The following ADAMTSL1 variants were observed in gnomAD, a reference collection of about 807,000 sequenced individuals.
ADAMTSL1 encodes ADAMTS-like protein 1.
Under a neutral mutation model 201.8 loss-of-function variants are expected in ADAMTSL1, and 126 were observed. The ratio of observed to expected loss-of-function variants is 0.62; its 90% CI spans 0.54 to 0.72. The LOEUF is 0.72. Among genes scored for constraint, ADAMTSL1 ranks in the 30% least tolerant of loss-of-function variants. ADAMTSL1 has a pLI of 0.00. For missense variants in ADAMTSL1, 2,679 were observed against 2,277.8 expected (o/e 1.18, Z -3.59); for synonymous variants, 1,121 against 903.4 (o/e 1.24, Z -4.32).
At chr9:18,553,053 T>C (rs1447657405) in intron 3 of ADAMTSL1, among the ~76,000 whole-genome samples, 1 of 151,640 alleles carries the variant, frequency 6.6e-6, no homozygotes, top group Non-Finnish European at 1.5e-5. Context: ...TTTTTAATTT[T>C]TACTTTTATA....
At chr9:18,904,802 C>A (rs1588359034) in intron 26 of ADAMTSL1, among the ~76,000 whole-genome samples, 1 of 143,724 alleles carries the variant, frequency 7.0e-6, no homozygotes, top group Admixed American at 7.0e-5. Flanking sequence ...TCAAACTGGG[C>A]CCTTCAGAGT....
upstream of ADAMTSL1, among the ~76,000 whole-genome samples, chr9:18,473,261 T>C (rs1052107793): frequency 1.3e-5 from 2 of 152,216 alleles, no homozygotes; most frequent in Non-Finnish European, 1.5e-5. Context: ...TAATTCATCC[T>C]TTCTTTCTCT....
intron 17 of ADAMTSL1, among the ~76,000 whole-genome samples, chr9:18,773,582 T>C (rs1392564533): frequency 6.6e-6 from 1 of 152,208 alleles, no homozygotes; most frequent in Non-Finnish European, 1.5e-5. Flanking sequence ...AGTAGGGGTC[T>C]CAGATCTCCA....
chr9:18,577,661 G>A (rs1822821273), intron 4 of ADAMTSL1, among the ~76,000 whole-genome samples: 1 of 152,156 alleles, frequency 6.6e-6, no homozygotes, highest in Admixed American at 6.5e-5. Flanking sequence ...TTAATAAACT[G>A]TAAAGTGCTG....
intron 3 of ADAMTSL1, among the ~76,000 whole-genome samples, chr9:18,539,328 A>G (rs982370517): frequency 6.6e-6 from 1 of 152,174 alleles, no homozygotes; most frequent in Non-Finnish European, 1.5e-5. Flanking sequence ...AAATACACAA[A>G]CACAAAACTA....
At chr9:18,796,380 C>G (rs1333237852) in intron 20 of ADAMTSL1, 2 of 152,186 alleles carry the variant, frequency 1.3e-5, no homozygotes, top group Non-Finnish European at 2.9e-5. Flanking sequence ...AGGATCCATC[C>G]TCTCAGATCT....
chr9:18,306,675 C>G (rs1181426276), intron 2 of ADAMTSL1, among the ~76,000 whole-genome samples: 1 of 152,084 alleles, frequency 6.6e-6, no homozygotes, highest in Non-Finnish European at 1.5e-5. Flanking sequence ...ACAAAGCCTC[C>G]AAGAAATATG....
chr9:18,758,814 G>A (rs1819910405), intron 16 of ADAMTSL1, among the ~76,000 whole-genome samples: 1 of 152,116 alleles, frequency 6.6e-6, no homozygotes, highest in South Asian at 2.1e-4. Context: ...CCATTGTTCA[G>A]CCCATCACCA....
intron 1 of ADAMTSL1, among the ~76,000 whole-genome samples, chr9:18,033,059 G>A (rs1821042950): frequency 6.6e-6 from 1 of 152,102 alleles, no homozygotes; most frequent in African/African-American, 2.4e-5. Flanking sequence ...TAGCCATCTT[G>A]TCCCTTCCCA....
intron 1 of ADAMTSL1, among the ~76,000 whole-genome samples, chr9:17,925,792 G>C (rs182818951): frequency 1.3e-5 from 2 of 148,938 alleles, no homozygotes; most frequent in Non-Finnish European, 3.0e-5. Context: ...CCAGCATGGC[G>C]CATGTATACG....
At chr9:18,735,004 T>TA (rs1402837325) in intron 15 of ADAMTSL1, among the ~76,000 whole-genome samples, 2 of 152,178 alleles carry the variant, frequency 1.3e-5, no homozygotes, top group African/African-American at 4.8e-5. Context: ...TGCCAACTGT[T>TA]AAAAATGGAT....
chr9:18,445,519 C>G (rs1820157450), intron 2 of ADAMTSL1, among the ~76,000 whole-genome samples: 1 of 152,018 alleles, frequency 6.6e-6, no homozygotes. Flanking sequence ...TATTTGGTAT[C>G]TATATTATTC....
intron 4 of ADAMTSL1, among the ~76,000 whole-genome samples, chr9:18,576,764 G>A (rs982417716): frequency 6.6e-6 from 1 of 152,116 alleles, no homozygotes; most frequent in Admixed American, 6.5e-5. Flanking sequence ...AGCATCATAC[G>A]AGGTAGTAGT....
At chr9:18,131,630 T>C (rs1199984408) in intron 1 of ADAMTSL1, among the ~76,000 whole-genome samples, 3 of 152,200 alleles carry the variant, frequency 2.0e-5, no homozygotes, top group East Asian at 3.8e-4. Flanking sequence ...CATCTTTTCT[T>C]ATCCCTCATA....
At chr9:18,069,359 C>T (rs1006955446) in intron 1 of ADAMTSL1, among the ~76,000 whole-genome samples, 3 of 152,102 alleles carry the variant, frequency 2.0e-5, no homozygotes, top group Non-Finnish European at 4.4e-5. Context: ...ATGTGGCTCA[C>T]ATTTTACTCA....
Position 18,238,304 on chromosome 9 carries a change from AGTGACTCCATCCATT to A in ADAMTSL1, c.207+74326_207+74340del, listed in dbSNP as rs544349227. ...ATTAAAATTCTTTCATTACACTTAC[AGTGACTCCATCCATT>A]GTTTGCAGTGAGTAAGTGACTCATC... On this transcript the variant is annotated intron_variant, in intron 2 of 29. Coordinates refer to the ADAMTSL1 transcript ENST00000680146. Among the ~76,000 whole-genome samples the A allele has an allele frequency of 1.5e-3, 228 of 152,328 alleles. 2 individuals are homozygous for A. Among genetic ancestry groups the A allele is most frequent in the African/African-American group, 5.3e-3 (220 of 41,572 alleles).
At chr9:18,757,038 A>AAAC (rs34110909) in intron 16 of ADAMTSL1, among the ~76,000 whole-genome samples, 108,833 of 151,790 alleles carry the variant, frequency 0.72, 39,069 homozygotes, top group Admixed American at 0.76. Context: ...CTTGTTTTAG[A>AAAC]AATTAAGCAG....
At chr9:18,375,580 G>A (rs1241966501) in intron 2 of ADAMTSL1, among the ~76,000 whole-genome samples, 2 of 152,136 alleles carry the variant, frequency 1.3e-5, no homozygotes, top group Non-Finnish European at 2.9e-5. Flanking sequence ...GTCTGGAGTT[G>A]GTTCCTTCCG....
chr9:17,917,954 A>C (rs1826164208), intron 1 of ADAMTSL1, among the ~76,000 whole-genome samples: 1 of 151,954 alleles, frequency 6.6e-6, no homozygotes, highest in Non-Finnish European at 1.5e-5. Flanking sequence ...ATTGGTGTAA[A>C]GTAGTTCATA....
Sources: gnomAD v4.1 joint callset for allele counts (sites outside exome capture counted in the v4.1 genomes callset) on GRCh38, gnomAD v4.1.1 for gene constraint, MANE v1.5 for transcripts, NCBI Gene and HGNC (gene_info 2026-07-23, HGNC 2026-07-21) for gene names.